Variants in DYTN observed in about 807,000 individuals in gnomAD.
DYTN encodes the protein dystrotelin.
A neutral mutation model predicts 69.6 loss-of-function variants in DYTN; 75 were observed. The ratio of observed to expected loss-of-function variants is 1.08; its 90% CI spans 0.89 to 1.31. The LOEUF (loss-of-function observed/expected upper bound fraction) is 1.31, where lower values mean the gene tolerates loss of function less well. DYTN is among the 50% of genes most tolerant of loss of function. The pLI, the probability that DYTN is intolerant of heterozygous loss-of-function variation, is 0.00. For missense variants in DYTN, 726 were observed against 688.4 expected (o/e 1.05, Z -0.61); for synonymous variants, 252 against 249.1 (o/e 1.01, Z -0.11).
intron 9 of DYTN, among the ~76,000 whole-genome samples, chr2:206,675,041 G>A (rs1480879548): frequency 6.6e-6 from 1 of 150,936 alleles, no homozygotes; most frequent in African/African-American, 2.4e-5. Flanking sequence ...GAAAGATGTG[G>A]AGTCTTTCAG....
chr2:206,667,213 C>T (rs1373522055), intron 9 of DYTN, among the ~76,000 whole-genome samples: 1 of 152,176 alleles, frequency 6.6e-6, no homozygotes, highest in Non-Finnish European at 1.5e-5. Context: ...ACAGACCCCC[C>T]TTCCCTCTCT....
intron 1 of DYTN, among the ~76,000 whole-genome samples, chr2:206,712,807 G>A (rs969077195): frequency 6.6e-6 from 1 of 152,250 alleles, no homozygotes; most frequent in African/African-American, 2.4e-5. Flanking sequence ...CCATCAGTGA[G>A]AGCACCGTCG....
At chr2:206,667,766 C>T (rs1559306778) in intron 9 of DYTN, among the ~76,000 whole-genome samples, 1 of 150,954 alleles carries the variant, frequency 6.6e-6, no homozygotes, top group Admixed American at 6.6e-5. Flanking sequence ...AAAATAGTTC[C>T]TGTCATATAG....
intron 9 of DYTN, among the ~76,000 whole-genome samples, chr2:206,692,170 T>C (rs1306275166): frequency 2.0e-5 from 3 of 150,868 alleles, no homozygotes; most frequent in Non-Finnish European, 2.9e-5. Context: ...GAGGCTGAGG[T>C]GGGAGAATCG....
At chr2:206,701,046 A>G (rs1218326816) in intron 5 of DYTN, 2 of 152,166 alleles carry the variant, frequency 1.3e-5, no homozygotes, top group African/African-American at 2.4e-5. Context: ...AGTCCTTGCT[A>G]TTGTATATAT....
chr2:206,655,160 T>A (rs1246304657), intron 11 of DYTN, among the ~76,000 whole-genome samples: 1 of 152,206 alleles, frequency 6.6e-6, no homozygotes, highest in Non-Finnish European at 1.5e-5. Context: ...AATTTCTTTC[T>A]ATTCCTAGTT....
intron 9 of DYTN, among the ~76,000 whole-genome samples, chr2:206,683,668 T>C (rs1474584294): frequency 6.6e-6 from 1 of 152,024 alleles, no homozygotes; most frequent in African/African-American, 2.4e-5. Flanking sequence ...ATTACTCTCC[T>C]TCCTCATCCC....
chr2:206,668,553 TTTTATATC>T (rs2105889961), intron 9 of DYTN, among the ~76,000 whole-genome samples: 1 of 152,340 alleles, frequency 6.6e-6, no homozygotes, highest in South Asian at 2.1e-4. Context: ...CTTTCTATAC[TTTTATATC>T]TTTATCTGTA....
At chr2:206,672,033 G>A (rs559016712) in intron 9 of DYTN, among the ~76,000 whole-genome samples, 74 of 152,156 alleles carry the variant, frequency 4.9e-4, no homozygotes, top group Non-Finnish European at 2.4e-4. Context: ...AGGTGCATGC[G>A]CGTACACACA....
chr2:206,677,323 T>C (rs142572168), intron 9 of DYTN, among the ~76,000 whole-genome samples: 12 of 152,360 alleles, frequency 7.9e-5, no homozygotes, highest in Admixed American at 2.6e-4. Context: ...AAACTAGCTT[T>C]ATGTTAATGG....
At chr2:206,693,137 C>T (rs1242612461) in intron 9 of DYTN, 38 bp downstream of exon 9, 8 of 1,569,058 alleles carry the variant, frequency 5.1e-6, no homozygotes, top group Non-Finnish European at 6.9e-6. Flanking sequence ...CCCTTGGTGG[C>T]TGCTCTGTGG....
chr2:206,694,628 G>T (rs552064303), intron 8 of DYTN, 138 bp downstream of exon 8: 6 of 545,276 alleles, frequency 1.1e-5, no homozygotes, highest in Non-Finnish European at 1.8e-5. Context: ...GGTGGAGTTT[G>T]CCACTTGCTT....
intron 3 of DYTN, 87 bp downstream of exon 3, chr2:206,707,215 G>A (rs1335518340): frequency 1.6e-5 from 23 of 1,479,480 alleles, no homozygotes; most frequent in Non-Finnish European, 2.0e-5. Flanking sequence ...CAAACCTCAA[G>A]CAAATATTAG....
chr2:206,711,295 T>C (rs1393007145), intron 1 of DYTN, among the ~76,000 whole-genome samples: 1 of 152,214 alleles, frequency 6.6e-6, no homozygotes. Flanking sequence ...CCATCACCAA[T>C]AGCAGTACAA....
In DYTN at chr2:206,695,675, T is replaced by C. The variant is rs373288712; in HGVS notation, c.720-798A>G. On this transcript the variant is annotated intron_variant, in intron 7 of 11. Transcript: ENST00000452335. The stretch of plus-strand genomic sequence containing the variant: ...CATCAGTTAGTAACTTTTAAGGATA[T>C]TTGAGTGGGACCATGTTGTTTGTCT... Among the ~76,000 whole-genome samples the C allele has an allele frequency of 7.9e-5, 12 of 152,306 alleles. No homozygotes were observed. In the East Asian group the frequency reaches 1.2e-3, roughly 15 times the overall value.
At chr2:206,662,365 C>A (rs1699521417) in intron 11 of DYTN, among the ~76,000 whole-genome samples, 1 of 151,860 alleles carries the variant, frequency 6.6e-6, no homozygotes, top group Non-Finnish European at 1.5e-5. Flanking sequence ...AACAAAATAC[C>A]CTAATGAGAA....
At chr2:206,673,170 TGTAA>T (rs1420487107) in intron 9 of DYTN, among the ~76,000 whole-genome samples, 3 of 151,940 alleles carry the variant, frequency 2.0e-5, no homozygotes, top group Non-Finnish European at 2.9e-5. Context: ...AGCTCCCACT[TGTAA>T]GTGAGAATAT....
intron 11 of DYTN, among the ~76,000 whole-genome samples, chr2:206,656,882 C>T (rs1383847117): frequency 6.6e-6 from 1 of 151,848 alleles, no homozygotes; most frequent in Non-Finnish European, 1.5e-5. Flanking sequence ...CCTGCCTCAG[C>T]CTCCTAAGTA....
chr2:206,653,938 C>A (rs182357073), intron 11 of DYTN, among the ~76,000 whole-genome samples: 23 of 152,288 alleles, frequency 1.5e-4, no homozygotes, highest in Admixed American at 1.4e-3. Flanking sequence ...TTTGCTCACC[C>A]CTTGCCTTTC....
Sources: allele counts gnomAD v4.1 joint callset (sites outside exome capture counted in the v4.1 genomes callset), GRCh38; gene constraint gnomAD v4.1.1; transcripts MANE v1.5; gene names NCBI Gene and HGNC (gene_info 2026-07-23, HGNC 2026-07-21).